The following NTNG1 variants were observed in gnomAD, a reference collection of about 807,000 sequenced individuals.
The protein encoded by NTNG1 is netrin-G1.
A neutral mutation model predicts 54.0 loss-of-function variants in NTNG1; 16 were observed. The observed-to-expected ratio is 0.30, with a 90% CI of 0.20 to 0.45. The LOEUF is 0.45. Ranked by LOEUF, NTNG1 falls within the 20% of genes least tolerant of loss-of-function variation. NTNG1 has a pLI of 1.00. For missense variants in NTNG1, 530 were observed against 678.7 expected, an observed-to-expected ratio of 0.78 and a Z score of 2.43; for synonymous variants, 255 against 263.1, an observed-to-expected ratio of 0.97 and a Z score of 0.30.
At chr1:107,311,554 T>C (rs1415988629) in intron 2 of NTNG1, among the ~76,000 whole-genome samples, 2 of 152,128 alleles carry the variant, frequency 1.3e-5, no homozygotes, top group Non-Finnish European at 2.9e-5. Context: ...TATTACATTA[T>C]ACAAATTCCA....
intron 1 of NTNG1, among the ~76,000 whole-genome samples, chr1:107,146,419 G>T (rs753005490): frequency 3.3e-5 from 5 of 151,936 alleles, no homozygotes; most frequent in African/African-American, 4.8e-5. Context: ...ATTATTAATT[G>T]TCAAATTGTT....
At chr1:107,345,866 G>A (rs750596660) in intron 3 of NTNG1, among the ~76,000 whole-genome samples, 5 of 152,108 alleles carry the variant, frequency 3.3e-5, no homozygotes, top group Non-Finnish European at 5.9e-5. Flanking sequence ...CAGACTGAGG[G>A]TATATATAGT....
chr1:107,250,508 A>G (rs1007644093), intron 2 of NTNG1, among the ~76,000 whole-genome samples: 22 of 152,288 alleles, frequency 1.4e-4, no homozygotes, highest in African/African-American at 5.3e-4. Flanking sequence ...ATGTATACCT[A>G]TGTAACAAAC....
chr1:107,413,697 G>C (rs1416305344), intron 5 of NTNG1, among the ~76,000 whole-genome samples: 7 of 152,026 alleles, frequency 4.6e-5, no homozygotes, highest in Non-Finnish European at 8.8e-5. Context: ...CATTAGTGTT[G>C]TTAGGAAACT....
At chr1:107,428,724 T>G (rs771417873) in intron 5 of NTNG1, among the ~76,000 whole-genome samples, 5 of 152,100 alleles carry the variant, frequency 3.3e-5, no homozygotes, top group Admixed American at 6.6e-5. Flanking sequence ...TGAAAGATTG[T>G]CTTTATTTCA....
At chr1:107,217,177 T>C (rs898323191) in intron 2 of NTNG1, among the ~76,000 whole-genome samples, 1 of 152,068 alleles carries the variant, frequency 6.6e-6, no homozygotes, top group Admixed American at 6.6e-5. Flanking sequence ...TCTAGGAGGG[T>C]TGTGTATTTC....
chr1:107,170,064 T>C (rs1011881914), intron 2 of NTNG1, among the ~76,000 whole-genome samples: 2 of 152,178 alleles, frequency 1.3e-5, no homozygotes, highest in Non-Finnish European at 1.5e-5. Context: ...AATCAACTGA[T>C]TATGGACTTA....
At chr1:107,365,751 T>C (rs946794365) in intron 3 of NTNG1, among the ~76,000 whole-genome samples, 1 of 152,230 alleles carries the variant, frequency 6.6e-6, no homozygotes, top group Non-Finnish European at 1.5e-5. Context: ...GAATTTAAAA[T>C]CTGCTTTAAA....
At chr1:107,360,411 T>C (rs1670191323) in intron 3 of NTNG1, among the ~76,000 whole-genome samples, 1 of 151,962 alleles carries the variant, frequency 6.6e-6, no homozygotes, top group African/African-American at 2.4e-5. Flanking sequence ...ACAGTGAGTG[T>C]AAAGACCCTG....
chr1:107,350,022 C>G (rs1669506223), intron 3 of NTNG1, among the ~76,000 whole-genome samples: 1 of 152,096 alleles, frequency 6.6e-6, no homozygotes, highest in African/African-American at 2.4e-5. Flanking sequence ...TTTATATTTT[C>G]AACAGCAGGT....
chr1:107,382,164 A>T (rs1223352122), intron 3 of NTNG1, among the ~76,000 whole-genome samples: 1 of 152,172 alleles, frequency 6.6e-6, no homozygotes, highest in Non-Finnish European at 1.5e-5. Flanking sequence ...AAGGGTTGTT[A>T]TCAAAGAAGG....
At chr1:107,218,976 C>T (rs1660153955) in intron 2 of NTNG1, among the ~76,000 whole-genome samples, 1 of 152,056 alleles carries the variant, frequency 6.6e-6, no homozygotes, top group South Asian at 2.1e-4. Flanking sequence ...AAATTTTCCT[C>T]GATTATAGCT....
At chr1:107,365,330 G>A (rs1486665233) in intron 3 of NTNG1, among the ~76,000 whole-genome samples, 2 of 152,084 alleles carry the variant, frequency 1.3e-5, no homozygotes, top group East Asian at 3.9e-4. Context: ...AAGTATTGAT[G>A]TTCCCTACCA....
intron 2 of NTNG1, among the ~76,000 whole-genome samples, chr1:107,182,543 A>T (rs1001718437): frequency 6.6e-6 from 1 of 152,202 alleles, no homozygotes; most frequent in Non-Finnish European, 1.5e-5. Context: ...CAAGAAAAAA[A>T]ATGATAAAAT....
intron 7 of NTNG1, among the ~76,000 whole-genome samples, chr1:107,462,820 A>G (rs2101548175): frequency 6.6e-6 from 1 of 152,370 alleles, no homozygotes; most frequent in South Asian, 2.1e-4. Flanking sequence ...ACCTATTCTC[A>G]TCTTCAAAAC....
At chr1:107,246,613 C>T (rs190290355) in intron 2 of NTNG1, among the ~76,000 whole-genome samples, 1 of 151,968 alleles carries the variant, frequency 6.6e-6, no homozygotes, top group African/African-American at 2.4e-5. Context: ...ATAATATATA[C>T]ATTATAATTT....
At chr1:107,361,393 T>TATATATATATATA (rs10637251) in intron 3 of NTNG1, among the ~76,000 whole-genome samples, 4 of 26,844 alleles carry the variant, frequency 1.5e-4, no homozygotes, top group Non-Finnish European at 2.4e-4. Context: ...ATATATATAT[T>TATATATATATATA]TTTTTTTTTT....
intron 2 of NTNG1, among the ~76,000 whole-genome samples, chr1:107,228,417 G>A (rs1570907812): frequency 6.6e-6 from 1 of 152,204 alleles, no homozygotes; most frequent in South Asian, 2.1e-4. Flanking sequence ...TTCCAATTTA[G>A]GTTTTAGTAA....
At chr1:107,377,306 A>G (rs1671349747) in intron 3 of NTNG1, among the ~76,000 whole-genome samples, 1 of 152,186 alleles carries the variant, frequency 6.6e-6, no homozygotes, top group African/African-American at 2.4e-5. Context: ...CTCAGTCACC[A>G]CCACACCTCC....
Sources: allele counts gnomAD v4.1 joint callset (sites outside exome capture counted in the v4.1 genomes callset), GRCh38; gene constraint gnomAD v4.1.1; transcripts MANE v1.5; gene names NCBI Gene and HGNC (gene_info 2026-07-23, HGNC 2026-07-21).